Variants in RPS29 observed in about 807,000 individuals in gnomAD.
The protein encoded by RPS29 is ribosomal protein S29, also known as small ribosomal subunit protein uS14.
For synonymous variants in RPS29, 37 were observed against 26.9 expected (o/e 1.37, Z -1.16); for missense variants, 60 against 75.7 (o/e 0.79, Z 0.77).
chr14:49,593,063 T>C lies in RPS29; in HGVS notation c.-133+5337A>G, dbSNP rs1881749871. Among the ~76,000 whole-genome samples, 2 of 152,224 alleles carry C rather than the reference T, an allele frequency of 1.3e-5. 1 individual carries two copies. Among genetic ancestry groups the C allele is most frequent in the Admixed American group, 1.3e-4 (2 of 15,272 alleles). On this transcript the variant is annotated intron_variant, in intron 1 of 3. Transcript: ENST00000556230. ...AATTTATGTCACTGTTCCCCAGGAATGAAGGAGAAATTCAGCTTTTTTCTC... is the reference window on the plus strand; with the variant it reads ...AATTTATGTCACTGTTCCCCAGGAACGAAGGAGAAATTCAGCTTTTTTCTC...
intron 2 of RPS29, chr14:49,585,158 A>G (rs2139512317): frequency 6.6e-6 from 1 of 152,282 alleles, no homozygotes; most frequent in South Asian, 2.1e-4. Flanking sequence ...TCACGAGGTC[A>G]GCAGTTCGAG....
chr14:49,583,455 G>A (rs1010423882), downstream of RPS29: 22 of 425,978 alleles, frequency 5.2e-5, no homozygotes, highest in East Asian at 2.2e-4. Flanking sequence ...GCAGTGAGCC[G>A]AGATCGCGCC....
chr14:49,582,076 G>A (rs1304002108), downstream of RPS29, among the ~76,000 whole-genome samples: 1 of 147,558 alleles, frequency 6.8e-6, no homozygotes, highest in African/African-American at 2.6e-5. Flanking sequence ...CCTAATGCAA[G>A]CAAATATCAC....
At chr14:49,585,518 G>A (rs776016222) in intron 2 of RPS29, 1 of 236,580 alleles carries the variant, frequency 4.2e-6, no homozygotes, top group Non-Finnish European at 8.1e-6. Flanking sequence ...AGGAGTTCGA[G>A]GCTGCAGTGA....
intron 1 of RPS29, among the ~76,000 whole-genome samples, chr14:49,595,533 G>C (rs1881802924): frequency 6.6e-6 from 1 of 152,100 alleles, no homozygotes. Flanking sequence ...CTTGAGCCCA[G>C]GAGTTTGAGG....
Position 49,583,684 on chromosome 14 carries a change from A to G in RPS29, c.163-9T>C, listed in dbSNP as rs776862273. ...AAGAGCATTTAGTCCAACTGAAAAA[A>G]AAAAAGCAGATGATTTATTTCAAAA... On this transcript the variant is annotated splice_polypyrimidine_tract_variant and intron_variant, in intron 2 of 2. Coordinates refer to ENST00000245458, the MANE Select transcript of RPS29 (RefSeq NM_001032.5). The G allele has an allele frequency of 2.0e-6, 3 of 1,467,786 alleles. No individual in the cohort carries two copies. The highest frequency in any genetic ancestry group is 1.2e-5 in the South Asian group (1 of 84,328). 90.9% of individuals were successfully genotyped at this position (1,467,786 alleles called of 1,614,324 possible).
chr14:49,580,572 T>G (rs989783225), downstream of RPS29, among the ~76,000 whole-genome samples: 7 of 152,084 alleles, frequency 4.6e-5, no homozygotes, highest in African/African-American at 1.2e-4. Flanking sequence ...TTCAATCACA[T>G]GTTTTCAAAA....
chr14:49,586,629 G>A (rs919238094), upstream of RPS29: 3 of 462,698 alleles, frequency 6.5e-6, no homozygotes, highest in Non-Finnish European at 1.2e-5. Context: ...GGGAGGCTGA[G>A]GCTGGAGGAT....
intron 2 of RPS29, among the ~76,000 whole-genome samples, chr14:49,584,158 A>T (rs1881434034): frequency 6.6e-6 from 1 of 152,212 alleles, no homozygotes; most frequent in Admixed American, 6.5e-5. Context: ...ATTTTTGTAG[A>T]AACAGGTTTT....
upstream of RPS29, among the ~76,000 whole-genome samples, chr14:49,590,508 G>A (rs1178942970): frequency 4.6e-5 from 7 of 151,888 alleles, 1 homozygote; most frequent in Non-Finnish European, 7.4e-5. Flanking sequence ...AACCTGCATC[G>A]CTCTTGAGTT....
At chr14:49,582,946 T>C (rs527809941), downstream of RPS29, among the ~76,000 whole-genome samples, 1 of 152,296 alleles carries the variant, frequency 6.6e-6, no homozygotes, top group East Asian at 1.9e-4. Context: ...ATGCACACAT[T>C]GACAGATGAC....
exon 3 of RPS29, chr14:49,572,965 G>C (rs1018420642): frequency 2.0e-5 from 3 of 152,070 alleles, no homozygotes; most frequent in Non-Finnish European, 1.5e-5. Flanking sequence ...TACTTGGGAG[G>C]CTGAGGTGGG....
intron 2 of RPS29, among the ~76,000 whole-genome samples, chr14:49,584,981 T>C (rs537661223): frequency 4.3e-4 from 65 of 152,268 alleles, no homozygotes; most frequent in Admixed American, 3.2e-3. Flanking sequence ...GATCAAGAGA[T>C]AGAAGCACTA....
chr14:49,593,967 T>C (rs1313372812), intron 1 of RPS29, among the ~76,000 whole-genome samples: 2 of 152,192 alleles, frequency 1.3e-5, no homozygotes, highest in Non-Finnish European at 2.9e-5. Flanking sequence ...TGAGTTCTAG[T>C]CCTGTTTATT....
downstream of RPS29, among the ~76,000 whole-genome samples, chr14:49,579,536 T>C (rs184004858): frequency 3.3e-5 from 5 of 152,326 alleles, no homozygotes; most frequent in Non-Finnish European, 5.9e-5. Flanking sequence ...ACCCTGTCTC[T>C]ACAATAAATT....
At chr14:49,589,136 G>A (rs185344326), upstream of RPS29, among the ~76,000 whole-genome samples, 1,336 of 151,640 alleles carry the variant, frequency 8.8e-3, 15 homozygotes, top group African/African-American at 0.03. Flanking sequence ...CTCATGATCC[G>A]CCCGCCTCGA....
At chr14:49,587,925 G>A (rs1212082251), upstream of RPS29, among the ~76,000 whole-genome samples, 2 of 152,220 alleles carry the variant, frequency 1.3e-5, no homozygotes, top group African/African-American at 4.8e-5. Flanking sequence ...GAACAACTTT[G>A]TGTAACTAGA....
chr14:49,571,313 T>G (rs909134959), exon 3 of RPS29: 3 of 152,176 alleles, frequency 2.0e-5, no homozygotes, highest in Admixed American at 6.5e-5. Flanking sequence ...AATAGACTTG[T>G]GTTTGTTGTG....
exon 3 of RPS29, chr14:49,572,817 C>T (rs1881086708): frequency 6.6e-6 from 1 of 152,166 alleles, no homozygotes; most frequent in African/African-American, 2.4e-5. Context: ...GCCTGCAGTC[C>T]TAGCATTTTG....
Sources: allele counts gnomAD v4.1 joint callset (sites outside exome capture counted in the v4.1 genomes callset), GRCh38; gene constraint gnomAD v4.1.1; transcripts MANE v1.5; gene names NCBI Gene and HGNC (gene_info 2026-07-23, HGNC 2026-07-21).